The following PIK3C2G variants were observed in gnomAD, a reference collection of about 807,000 sequenced individuals.
PIK3C2G encodes the protein phosphatidylinositol-4-phosphate 3-kinase catalytic subunit type 2 gamma.
In PIK3C2G, 168 loss-of-function variants were observed where a neutral mutation model predicts 181.1. The observed-to-expected ratio is 0.93, with a 90% CI of 0.82 to 1.05. The LOEUF (loss-of-function observed/expected upper bound fraction) is 1.05. Among genes scored for constraint, PIK3C2G ranks in the 50% least tolerant of loss-of-function variants. PIK3C2G has a pLI of 0.00. For missense variants in PIK3C2G, 1,869 were observed against 1,732.8 expected (o/e 1.08, Z -1.40); for synonymous variants, 573 against 592.2 (o/e 0.97, Z 0.47).
At chr12:18,692,613 T>C in the PIK3C2G span, 1 of 562,374 alleles carries the variant, frequency 1.8e-6, no homozygotes, top group South Asian at 2.1e-5. Flanking sequence ...GGAAGCAATA[T>C]GAGGTCAACC....
intron 24 of PIK3C2G, among the ~76,000 whole-genome samples, chr12:18,522,555 C>A (rs903381864): frequency 6.7e-6 from 1 of 149,832 alleles, no homozygotes; most frequent in Non-Finnish European, 1.5e-5. Context: ...TTGAATATAT[C>A]ATCCTATTCT....
At chr12:18,323,455 GA>G (rs1591953007) in intron 7 of PIK3C2G, among the ~76,000 whole-genome samples, 1 of 152,116 alleles carries the variant, frequency 6.6e-6, no homozygotes, top group East Asian at 1.9e-4. Context: ...ATCTAACTCT[GA>G]ATCAGTGCTT....
At chr12:18,593,317 A>AT (rs367725817) in intron 29 of PIK3C2G, among the ~76,000 whole-genome samples, 4,322 of 151,428 alleles carry the variant, frequency 0.029, 66 homozygotes, top group Middle Eastern at 0.061. Context: ...GGAAAGACAC[A>AT]TTTTTTTTTC....
chr12:18,641,908 T>C (rs1329472948), intron 32 of PIK3C2G, among the ~76,000 whole-genome samples: 1 of 151,908 alleles, frequency 6.6e-6, no homozygotes, highest in Non-Finnish European at 1.5e-5. Flanking sequence ...CACCACCACA[T>C]CCAGCTAATT....
chr12:18,640,319 G>T, intron 31 of PIK3C2G, 110 bp from the exon 32 acceptor site: 1 of 828,528 alleles, frequency 1.2e-6, no homozygotes, highest in African/African-American at 1.8e-5. Flanking sequence ...CATCAACAAA[G>T]TGACTGTAAT....
chr12:18,379,204 G>T lies in PIK3C2G; in HGVS notation c.1881-2562G>T, dbSNP rs964912462. ...CAGCCATAAAAAAGGATGAGTTCAT[G>T]TCCTTTGTAGGGACATGGATGAAGC... On this transcript the variant is annotated intron_variant, in intron 13 of 32. Transcript: ENST00000538779. Among the ~76,000 whole-genome samples, 4 of 152,164 alleles carry T rather than the reference G, an allele frequency of 2.6e-5. No individual in the cohort carries two copies. The East Asian group carries it at 7.8e-4, about 29-fold the overall frequency.
At chr12:18,536,894 T>G (rs574188177) in intron 24 of PIK3C2G, among the ~76,000 whole-genome samples, 3 of 152,220 alleles carry the variant, frequency 2.0e-5, no homozygotes, top group South Asian at 4.1e-4. Flanking sequence ...TCAATAAATT[T>G]TGTTGAAGAA....
chr12:18,249,717 G>C (rs1446032486), intron 1 of PIK3C2G, among the ~76,000 whole-genome samples: 4 of 151,946 alleles, frequency 2.6e-5, no homozygotes, highest in Admixed American at 6.5e-5. Context: ...TATCTACATA[G>C]TCATTTAGCA....
intron 24 of PIK3C2G, among the ~76,000 whole-genome samples, chr12:18,507,062 T>C (rs1941882736): frequency 6.6e-6 from 1 of 151,846 alleles, no homozygotes; most frequent in East Asian, 1.9e-4. Flanking sequence ...TGGAGTCTCA[T>C]TCTGTCGCCC....
intron 29 of PIK3C2G, among the ~76,000 whole-genome samples, chr12:18,579,900 C>T (rs1289655857): frequency 1.3e-5 from 2 of 151,876 alleles, no homozygotes; most frequent in Non-Finnish European, 2.9e-5. Flanking sequence ...TTTGGGAGGC[C>T]GAGGTGGGTG....
rs531499506 is a variant in PIK3C2G at position 18,343,299 on chromosome 12, A to C, written c.1396-28A>C. The C allele has an allele frequency of 2.2e-4, 276 of 1,232,914 alleles. 4 individuals are homozygous for C. The South Asian group carries it at 3.6e-3, about 16-fold the overall frequency. 76.4% of individuals were successfully genotyped at this position (1,232,914 alleles called of 1,614,324 possible). The stretch of plus-strand genomic sequence containing the variant: ...ATTTTGTGAATTTGTTGTGCGAATA[A>C]CAAGTATAATTTTACATTTTTTTTC... On this transcript the variant is annotated intron_variant, in intron 9 of 32. Coordinates refer to ENST00000538779, the MANE Select transcript of PIK3C2G (RefSeq NM_001288772.2).
intron 5 of PIK3C2G, among the ~76,000 whole-genome samples, chr12:18,304,444 A>G (rs1005283252): frequency 6.6e-6 from 1 of 152,132 alleles, no homozygotes; most frequent in Non-Finnish European, 1.5e-5. Flanking sequence ...TTTAGTAGAG[A>G]TGAGGTTTCA....
intron 29 of PIK3C2G, among the ~76,000 whole-genome samples, chr12:18,570,654 A>AT (rs1181360872): frequency 6.7e-6 from 1 of 150,156 alleles, no homozygotes; most frequent in Non-Finnish European, 1.5e-5. Flanking sequence ...TAATTAGAGG[A>AT]TTTAGGGCAA....
intron 5 of PIK3C2G, among the ~76,000 whole-genome samples, chr12:18,308,002 C>T (rs1264079219): frequency 6.6e-6 from 1 of 151,792 alleles, no homozygotes; most frequent in East Asian, 1.9e-4. Context: ...TATGACAAGT[C>T]TTGAAAATCT....
intron 31 of PIK3C2G, among the ~76,000 whole-genome samples, chr12:18,626,960 A>G (rs1378002693): frequency 6.6e-6 from 1 of 151,958 alleles, no homozygotes; most frequent in Non-Finnish European, 1.5e-5. Flanking sequence ...TTCTTTAAAT[A>G]TGCTTTGTGA....
chr12:18,536,809 A>T (rs1016425425), intron 24 of PIK3C2G, among the ~76,000 whole-genome samples: 10 of 152,068 alleles, frequency 6.6e-5, no homozygotes, highest in African/African-American at 2.4e-4. Flanking sequence ...AAGGCCAAAT[A>T]AAAAAGGATT....
intron 31 of PIK3C2G, among the ~76,000 whole-genome samples, chr12:18,616,265 T>TA (rs1948604416): frequency 6.6e-6 from 1 of 152,126 alleles, no homozygotes; most frequent in Admixed American, 6.6e-5. Context: ...TCGCTGAGTA[T>TA]AAAAAACTGT....
the PIK3C2G span, among the ~76,000 whole-genome samples, chr12:18,682,726 C>G: frequency 6.6e-6 from 1 of 151,818 alleles, no homozygotes; most frequent in Non-Finnish European, 1.5e-5. Flanking sequence ...TTACAGGGTA[C>G]CAACTCCAGT....
chr12:18,401,164 T>A (rs887432742), intron 16 of PIK3C2G, among the ~76,000 whole-genome samples: 5 of 152,128 alleles, frequency 3.3e-5, no homozygotes, highest in Non-Finnish European at 4.4e-5. Context: ...ACGTAGTAAT[T>A]CCTCAGTATT....
Sources: gnomAD v4.1 joint callset for allele counts (sites outside exome capture counted in the v4.1 genomes callset) on GRCh38, gnomAD v4.1.1 for gene constraint, MANE v1.5 for transcripts, NCBI Gene and HGNC (gene_info 2026-07-23, HGNC 2026-07-21) for gene names.